ZNF451: variants seen among roughly 807,000 people sequenced by gnomAD.
ZNF451 encodes zinc finger protein 451.
ZNF451 carries 80 observed loss-of-function variants against 107.1 expected under a neutral mutation model. The ratio of observed to expected loss-of-function variants is 0.75; its 90% confidence interval spans 0.62 to 0.90. The LOEUF (loss-of-function observed/expected upper bound fraction) is 0.90. Among genes scored for constraint, ZNF451 ranks in the 40% least tolerant of loss-of-function variants. The probability of loss-of-function intolerance (pLI) is 0.00; values close to 1 mark genes in which losing one functional copy is unlikely to be tolerated. For missense variants in ZNF451, 1,107 were observed against 1,236.2 expected (o/e 0.90, Z 1.57); for synonymous variants, 362 against 406.5 (o/e 0.89, Z 1.32).
In ZNF451 at chr6:57,148,203, A is replaced by T; in HGVS notation, c.2118A>T (p.Lys706Asn). The T allele has an allele frequency of 6.2e-7, 1 of 1,614,062 alleles. No individual in the cohort carries two copies. Among genetic ancestry groups the T allele is most frequent in the Non-Finnish European group, 8.5e-7 (1 of 1,179,982 alleles). The change falls in exon 10 of 15, where the codon AAA becomes AAT. Residue 706 changes from lysine to asparagine, a missense_variant. By Grantham distance (94) the Lys-to-Asn change is moderately conservative. Transcript: ENST00000370706. ...FVSEKTETSI[K>N]TEDDFPVIET... is the part of the protein sequence containing the mutation. Reference sequence around the variant, plus strand: ...CAGAAAAAACTGAAACTTCAATTAAAACCGAAGATGATTTTCCAGTAATAG... The same window carrying T: ...CAGAAAAAACTGAAACTTCAATTAATACCGAAGATGATTTTCCAGTAATAG...
chr6:57,108,534 T>C lies in ZNF451; in HGVS notation c.186+9393T>C, dbSNP rs1056868012. Reference sequence around the variant, plus strand: ...TTTTCAATTCATTTTTTTTTACATATTTAATTTACATCTAACTACTGTTAG... The same window carrying C: ...TTTTCAATTCATTTTTTTTTACATACTTAATTTACATCTAACTACTGTTAG... On this transcript the variant is annotated intron_variant, in intron 3 of 14. Transcript: ENST00000370706. The C allele has an allele frequency of 4.1e-6, 4 of 985,210 alleles. No individual in the cohort carries two copies. In the African/African-American group the frequency reaches 7.0e-5, roughly 17 times the overall value. The allele number at this position is 985,210 out of a possible 1,614,324, so 61.0% of individuals were successfully genotyped here. A position where few individuals can be genotyped will look rare whatever the true frequency, so the allele number is the denominator to read the frequency against.
intron 13 of ZNF451, chr6:57,159,314 A>C: frequency 2.0e-6 from 2 of 985,368 alleles, no homozygotes; most frequent in Non-Finnish European, 2.4e-6. Context: ...CCTTGCATGC[A>C]ATGATGAATT....
chr6:57,109,333 T>C, intron 3 of ZNF451: 1 of 985,368 alleles, frequency 1.0e-6, no homozygotes, highest in Non-Finnish European at 1.2e-6. Context: ...ATTTTGAGGA[T>C]ATTGGTTTAA....
At chr6:57,103,455 T>C in intron 3 of ZNF451, 1 of 985,426 alleles carries the variant, frequency 1.0e-6, no homozygotes, top group Non-Finnish European at 1.2e-6. Flanking sequence ...TTTTTCACCA[T>C]ACTGGAACTG....
At position 57,115,234 on chromosome 6, in the gene ZNF451, C is replaced by G. The variant is rs1455070197; in HGVS notation, c.187-9500C>G. The G allele has an allele frequency of 2.6e-5, 4 of 152,230 alleles. No homozygotes were observed. In the East Asian group the frequency reaches 7.7e-4, roughly 29 times the overall value. The allele number at this position is 152,230 out of a possible 1,614,324, so 9.4% of individuals were successfully genotyped here. A position where few individuals can be genotyped will look rare whatever the true frequency, so the allele number is the denominator to read the frequency against. ...TGAGCTGTGGTCACACCATTGCACT[C>G]TAGCCTGGGTAACAAAGTGAGATCC... On this transcript the variant is annotated intron_variant, in intron 3 of 14. Transcript: ENST00000370706.
In ZNF451 at chr6:57,158,002, C is replaced by T. The variant is rs193042356; in HGVS notation, c.3071-3082C>T. 1.0e-3 allele frequency among the ~76,000 whole-genome samples: 155 copies of T among 152,322 alleles called. 1 individual carries two copies. Among genetic ancestry groups the T allele is most frequent in the African/African-American group, 3.6e-3 (151 of 41,592 alleles). ...CAGATGTTTAAATATGTTGAAAGAA[C>T]TTCTTCCATATGCTTTTTAATCCCC... On this transcript the variant is annotated intron_variant, in intron 13 of 14. Transcript: ENST00000370706.
Position 57,164,308 on chromosome 6 carries a change from T to C in ZNF451, c.3139+3156T>C, listed in dbSNP as rs568477703. On this transcript the variant is annotated intron_variant, in intron 14 of 14. Transcript: ENST00000370706. ...TTAACTTCACTGTGCTTCAGCTTCC[T>C]CCTCTTAAATATGGGAATATTAGTA... 3.9e-5 allele frequency among the ~76,000 whole-genome samples: 6 copies of C among 152,350 alleles called. No individual in the cohort carries two copies. The South Asian group carries it at 1.2e-3, about 32-fold the overall frequency.
chr6:57,134,764 AT>A lies in ZNF451; in HGVS notation c.597del (p.Pro200GlnfsTer16). The A allele has an allele frequency of 6.2e-7, 1 of 1,613,170 alleles. No individual in the cohort carries two copies. Among genetic ancestry groups the A allele is most frequent in the Non-Finnish European group, 8.5e-7 (1 of 1,179,674 alleles). Reference sequence around the variant, plus strand: ...AGTAGGTTCGATCACTCTCCATGTGATCCAACAATTACACTACATGGACCTT... The same window carrying A: ...AGTAGGTTCGATCACTCTCCATGTGACCAACAATTACACTACATGGACCTT... ...HLKRFDHSPC[D>X]PTITLHGPFF... On this transcript the variant is annotated frameshift_variant, in exon 7 of 15. Coordinates refer to ENST00000370706, the MANE Select transcript of ZNF451 (RefSeq NM_001031623.3). LOFTEE classifies it high-confidence loss of function.
chr6:57,104,316 T>A, intron 3 of ZNF451: 1 of 985,422 alleles, frequency 1.0e-6, no homozygotes, highest in East Asian at 1.1e-4. Context: ...CTTAGAGGAC[T>A]TGCCACTGGA....
chr6:57,111,446 T>A (rs1830111502), intron 3 of ZNF451, among the ~76,000 whole-genome samples: 1 of 151,802 alleles, frequency 6.6e-6, no homozygotes, highest in East Asian at 1.9e-4. Flanking sequence ...AGTGGTGCGA[T>A]CTTGGCTCAC....
In ZNF451 at chr6:57,169,685, T is replaced by C. The variant is rs1764046213; in HGVS notation, c.*1216T>C. ...GAATTTTTTTATTACTATAGTCTTT[T>C]CAATCTATAATTTGTGTTTTTAATT... On this transcript the variant is annotated 3_prime_UTR_variant, in exon 15 of 15. Transcript: ENST00000370706. 2 of 152,240 alleles carry C rather than the reference T, an allele frequency of 1.3e-5. No homozygotes were observed. Among genetic ancestry groups the C allele is most frequent in the South Asian group, 2.1e-4 (1 of 4,828 alleles). The allele number at this position is 152,240 out of a possible 1,614,324, so 9.4% of individuals were successfully genotyped here.
At position 57,099,044 on chromosome 6, in the gene ZNF451, T is replaced by C; in HGVS notation, c.106-17T>C. 1.9e-6 allele frequency: 3 copies of C among 1,606,888 alleles called. No individual in the cohort carries two copies. The highest frequency in any genetic ancestry group is 2.6e-6 in the Non-Finnish European group (3 of 1,173,684). ...AATAACTGTTAATGACTTCTAAATT[T>C]GCTTGATTGTTTATAGGAAGGACCA... On this transcript the variant is annotated splice_polypyrimidine_tract_variant and intron_variant, in intron 2 of 14. Transcript: ENST00000370706.
intron 9 of ZNF451, among the ~76,000 whole-genome samples, chr6:57,144,369 T>A (rs1831950756): frequency 1.3e-5 from 2 of 150,434 alleles, no homozygotes; most frequent in Non-Finnish European, 3.0e-5. Context: ...GCCTCCCAAG[T>A]ACCTGGGACT....
chr6:57,106,611 AT>A (rs75440505), intron 3 of ZNF451: 195,327 of 819,526 alleles, frequency 0.24, 4 homozygotes, highest in Non-Finnish European at 0.26. Flanking sequence ...TGGCTGTGAA[AT>A]TTTTTTTTTT....
chr6:57,108,771 A>G, intron 3 of ZNF451: 1 of 985,436 alleles, frequency 1.0e-6, no homozygotes, highest in Non-Finnish European at 1.2e-6. Flanking sequence ...AAGAATCTAC[A>G]TTTGTATAGT....
At chr6:57,099,395 T>A in intron 3 of ZNF451, 1 of 707,268 alleles carries the variant, frequency 1.4e-6, no homozygotes, top group South Asian at 1.5e-5. Context: ...TGATATCTGA[T>A]AAAATGGAAA....
At chr6:57,105,904 C>T (rs1457511467) in intron 3 of ZNF451, 1 of 984,250 alleles carries the variant, frequency 1.0e-6, no homozygotes, top group Non-Finnish European at 1.2e-6. Flanking sequence ...TTTTTTTAAA[C>T]CGTGTGGCAG....
chr6:57,126,764 G>A (rs1448385117), intron 4 of ZNF451, among the ~76,000 whole-genome samples: 8 of 152,186 alleles, frequency 5.3e-5, no homozygotes, highest in Admixed American at 6.6e-5. Flanking sequence ...GTACTAAAAA[G>A]TTTTTGAAAG....
intron 8 of ZNF451, among the ~76,000 whole-genome samples, 188 bp from the exon 9 acceptor site, chr6:57,141,760 T>C (rs1406321057): frequency 6.6e-6 from 1 of 152,208 alleles, no homozygotes; most frequent in Non-Finnish European, 1.5e-5. Context: ...ACTCAAATTT[T>C]AATTTGAGTA....
Sources: gnomAD v4.1 joint callset for allele counts (sites outside exome capture counted in the v4.1 genomes callset) on GRCh38, gnomAD v4.1.1 for gene constraint, MANE v1.5 for transcripts, NCBI Gene and HGNC (gene_info 2026-07-23, HGNC 2026-07-21) for gene names.